OXNAD1: variants seen among roughly 807,000 people sequenced by gnomAD.
OXNAD1 encodes oxidoreductase NAD-binding domain-containing protein 1.
In OXNAD1, 34 loss-of-function variants were observed where a neutral mutation model predicts 32.9. That is an observed-to-expected ratio of 1.03 (90% CI 0.79 to 1.38). The LOEUF (loss-of-function observed/expected upper bound fraction) is 1.38. Among genes scored for constraint, OXNAD1 ranks in the 40% most tolerant of loss-of-function variants. OXNAD1 has a pLI of 0.00. For missense variants in OXNAD1, 407 were observed against 379.4 expected (o/e 1.07, Z -0.60); for synonymous variants, 134 against 135.2 (o/e 0.99, Z 0.06).
rs190269305 is a variant in OXNAD1, at chr3:16,292,147, T to C, written c.291-2709T>C. ...ACAAGAACCTTAATATTAATAGATA[T>C]ATTATTTAAAAATATTTTTCCCATT... On this transcript the variant is annotated intron_variant, in intron 5 of 8. Transcript: ENST00000285083. 2.6e-5 allele frequency among the ~76,000 whole-genome samples: 4 copies of C among 152,002 alleles called. No homozygotes were observed. In the East Asian group the frequency reaches 7.7e-4, roughly 29 times the overall value.
At chr3:16,342,021 A>C, downstream of OXNAD1, among the ~76,000 whole-genome samples, 1 of 152,180 alleles carries the variant, frequency 6.6e-6, no homozygotes, top group East Asian at 1.9e-4. The surrounding 1 kb of genome is among the most constrained non-coding windows in gnomAD (Gnocchi z 4.0). Context: ...ACCACTTGTC[A>C]CTTTTTTCAA....
In OXNAD1 at chr3:16,329,389, A is replaced by G. The variant is rs560404985; in HGVS notation, c.*31-7723A>G. Among the ~76,000 whole-genome samples the G allele has an allele frequency of 6.6e-6, 1 of 152,082 alleles. No homozygotes were observed. Among genetic ancestry groups the G allele is most frequent in the African/African-American group, 2.4e-5 (1 of 41,404 alleles). ...AACTTAATAAAGGAAGGCGGAAGGG[A>G]GGAGGGAAGGGAGGAAAGGAGAGAG... On this transcript the variant is annotated intron_variant, in intron 9 of 9. Transcript: ENST00000435829. This position sits in a 1 kb window ranked among gnomAD's most constrained non-coding sequence, Gnocchi z 4.5.
Position 16,277,759 on chromosome 3 carries a change from A to G in OXNAD1, c.183+6037A>G, listed in dbSNP as rs1362133034. Among the ~76,000 whole-genome samples, 3 of 152,252 alleles carry G rather than the reference A, an allele frequency of 2.0e-5. No individual in the cohort carries two copies. Among genetic ancestry groups the G allele is most frequent in the Admixed American group, 2.0e-4 (3 of 15,290 alleles). On this transcript the variant is annotated intron_variant, in intron 4 of 8. Transcript: ENST00000285083. The surrounding 1 kb of genome is among the most constrained non-coding windows in gnomAD (Gnocchi z 4.3). ...CCTCTGGAAAGTTTACTGAATGACCATTTATGATGTTTATGCTTCTTACTT... is the reference window on the plus strand; with the variant it reads ...CCTCTGGAAAGTTTACTGAATGACCGTTTATGATGTTTATGCTTCTTACTT...
chr3:16,343,552 C>G (rs2071449337), intron 9 of OXNAD1, among the ~76,000 whole-genome samples: 2 of 152,216 alleles, frequency 1.3e-5, no homozygotes, highest in South Asian at 4.1e-4. Flanking sequence ...TGTTTCTCAT[C>G]AAATATGGTG....
rs2067022825 is a variant in OXNAD1 at position 16,299,418 on chromosome 3, T to C, written c.433-2208T>C. On this transcript the variant is annotated intron_variant, in intron 6 of 8. Transcript: ENST00000285083. The surrounding 1 kb of genome is among the most constrained non-coding windows in gnomAD (Gnocchi z 4.4). ...AATGCTCCCTTGCTGCTAATTTCTT[T>C]TGTCAAAAATGAAAACCCACTTATC... Among the ~76,000 whole-genome samples the C allele has an allele frequency of 1.3e-5, 2 of 152,188 alleles. No homozygotes were observed. Among genetic ancestry groups the C allele is most frequent in the African/African-American group, 2.4e-5 (1 of 41,438 alleles).
rs963549009 is a variant in OXNAD1, at chr3:16,320,068, A to C, written c.*30+16476A>C. ...AATAACTGTCTAAAAGAAAAAAAGA[A>C]ATCCTTCACTTTACAGCAGTGTGTG... On this transcript the variant is annotated intron_variant, in intron 9 of 9. Coordinates refer to the OXNAD1 transcript ENST00000435829. The surrounding 1 kb of genome is among the most constrained non-coding windows in gnomAD (Gnocchi z 4.5). Among the ~76,000 whole-genome samples, 1 of 152,232 alleles carries C rather than the reference A, an allele frequency of 6.6e-6. No individual in the cohort carries two copies. The highest frequency in any genetic ancestry group is 1.5e-5 in the Non-Finnish European group (1 of 68,040).
At position 16,280,747 on chromosome 3, in the gene OXNAD1, T is replaced by C. The variant is rs906051058; in HGVS notation, c.184-5595T>C. On this transcript the variant is annotated intron_variant, in intron 4 of 8. Transcript: ENST00000285083. This position sits in a 1 kb window ranked among gnomAD's most constrained non-coding sequence, Gnocchi z 4.5. ...TGTACAGAGACTTTTGCACCAGCGG[T>C]AACATCAAAATATCCTACATAAAAC... Among the ~76,000 whole-genome samples the C allele has an allele frequency of 9.2e-5, 14 of 152,194 alleles. No individual in the cohort carries two copies. Among genetic ancestry groups the C allele is most frequent in the African/African-American group, 3.4e-4 (14 of 41,454 alleles).
rs1198874054 is a variant in OXNAD1 at position 16,321,370 on chromosome 3, T to C, written c.*31-15742T>C. ...GGAACTTAGTGGGAAACCAGGAGAATGAGGTGGGAAAGAACCAAGAGAAAA... is the reference window on the plus strand; with the variant it reads ...GGAACTTAGTGGGAAACCAGGAGAACGAGGTGGGAAAGAACCAAGAGAAAA... On this transcript the variant is annotated intron_variant, in intron 9 of 9. Transcript: ENST00000435829. The surrounding 1 kb of genome is among the most constrained non-coding windows in gnomAD (Gnocchi z 4.8). Among the ~76,000 whole-genome samples the C allele has an allele frequency of 6.6e-6, 1 of 151,804 alleles. No homozygotes were observed. Among genetic ancestry groups the C allele is most frequent in the Non-Finnish European group, 1.5e-5 (1 of 67,940 alleles).
chr3:16,323,229 G>A, intron 9 of OXNAD1: 1 of 627,014 alleles, frequency 1.6e-6, no homozygotes, highest in Non-Finnish European at 2.8e-6. Flanking sequence ...CCTGAGATGT[G>A]ATTCGGGTTG....
intron 4 of OXNAD1, among the ~76,000 whole-genome samples, chr3:16,273,890 A>G (rs1028390733): frequency 6.6e-6 from 1 of 152,206 alleles, no homozygotes; most frequent in African/African-American, 2.4e-5. Flanking sequence ...TTTTATTTAT[A>G]TCACCATCAT....
At chr3:16,333,976 T>C (rs145588794) in intron 9 of OXNAD1, among the ~76,000 whole-genome samples, 203 of 152,078 alleles carry the variant, frequency 1.3e-3, no homozygotes, top group African/African-American at 4.7e-3. Context: ...CCATCCGGGC[T>C]AACACGGTGA....
intron 6 of OXNAD1, among the ~76,000 whole-genome samples, chr3:16,295,898 A>T (rs904002165): frequency 6.6e-6 from 1 of 152,202 alleles, no homozygotes; most frequent in Non-Finnish European, 1.5e-5. Flanking sequence ...TTGGAAACAC[A>T]CTGTAGTATA....
In OXNAD1 at chr3:16,269,070, T is replaced by C. The variant is rs1008104654; in HGVS notation, c.-158-56T>C. The C allele has an allele frequency of 1.1e-5, 15 of 1,375,868 alleles. No homozygotes were observed. In the African/African-American group the frequency reaches 1.3e-4, roughly 12 times the overall value. The allele number at this position is 1,375,868 out of a possible 1,614,324, so 85.2% of individuals were successfully genotyped here. On this transcript the variant is annotated intron_variant, in intron 1 of 8. Transcript: ENST00000285083. ...CTTTCCTTTGGCAGCTAAGAGGTAA[T>C]AGTGCTTTTGATCAGTTCCCCAAAA...
chr3:16,349,900 C>T (rs1174805879), exon 10 of OXNAD1: 1 of 152,236 alleles, frequency 6.6e-6, no homozygotes, highest in Non-Finnish European at 1.5e-5. Context: ...GTCGATGTTG[C>T]AGTTTTGAGT....
chr3:16,271,794 T>G lies in OXNAD1; in HGVS notation c.183+72T>G. 3 of 1,325,956 alleles carry G rather than the reference T, an allele frequency of 2.3e-6. No homozygotes were observed. Among genetic ancestry groups the G allele is most frequent in the South Asian group, 2.7e-5 (2 of 75,188 alleles). The allele number at this position is 1,325,956 out of a possible 1,614,324, so 82.1% of individuals were successfully genotyped here. On this transcript the variant is annotated intron_variant, in intron 4 of 8. Coordinates refer to ENST00000285083, the MANE Select transcript of OXNAD1 (RefSeq NM_138381.5). The surrounding 1 kb of genome is among the most constrained non-coding windows in gnomAD (Gnocchi z 4.6). ...CATGTGGTTATGACTGGCTTATGGGTAAAGCATTAGATGAGTCTGGTCCTT... is the reference window on the plus strand; with the variant it reads ...CATGTGGTTATGACTGGCTTATGGGGAAAGCATTAGATGAGTCTGGTCCTT...
Position 16,265,228 on chromosome 3 carries a change from C to T in OXNAD1, c.-436C>T. The T allele has an allele frequency of 3.6e-6, 1 of 277,308 alleles. No homozygotes were observed. Among genetic ancestry groups the T allele is most frequent in the South Asian group, 5.7e-5 (1 of 17,514 alleles). The allele number at this position is 277,308 out of a possible 1,614,324, so 17.2% of individuals were successfully genotyped here. On this transcript the variant is annotated 5_prime_UTR_variant, in exon 1 of 9. Coordinates refer to ENST00000285083, the MANE Select transcript of OXNAD1 (RefSeq NM_138381.5). This position sits in a 1 kb window ranked among gnomAD's most constrained non-coding sequence, Gnocchi z 4.8. The stretch of plus-strand genomic sequence containing the variant: ...GACCGCGGAGTATTCCAGGCGCCTG[C>T]AACTAAACGTGGCCGGGTCTGCAAG...
rs79453998 is a variant in OXNAD1 at position 16,299,771 on chromosome 3, A to G, written c.433-1855A>G. ...TTCATTTAGTTGATTTATGCCAGGA[A>G]CGTGTAATGGGAGAAACCTATGCTC... On this transcript the variant is annotated intron_variant, in intron 6 of 8. Transcript: ENST00000285083. The surrounding 1 kb of genome is among the most constrained non-coding windows in gnomAD (Gnocchi z 4.4). 6.8e-4 allele frequency among the ~76,000 whole-genome samples: 104 copies of G among 152,368 alleles called. 1 individual carries two copies. In the East Asian group the frequency reaches 0.018, roughly 26 times the overall value.
In OXNAD1 at chr3:16,304,782, G is replaced by T. The variant is rs1042195488; in HGVS notation, c.*1220G>T. On this transcript the variant is annotated 3_prime_UTR_variant, in exon 9 of 9. Coordinates refer to ENST00000285083, the MANE Select transcript of OXNAD1 (RefSeq NM_138381.5). This position sits in a 1 kb window ranked among gnomAD's most constrained non-coding sequence, Gnocchi z 4.6. ...TCCAGTTGAGATTCTGTTCTGGAGC[G>T]GATGAGAGAAGACAGGTTACCCTTT... is the stretch of plus-strand genomic sequence containing the variant. 6.6e-6 allele frequency: 1 copy of T among 152,202 alleles called. No individual in the cohort carries two copies. Among genetic ancestry groups the T allele is most frequent in the Non-Finnish European group, 1.5e-5 (1 of 68,072 alleles). 9.4% of individuals were successfully genotyped at this position (152,202 alleles called of 1,614,324 possible). A position where few individuals can be genotyped will look rare whatever the true frequency, so the allele number is the denominator to read the frequency against.
downstream of OXNAD1, among the ~76,000 whole-genome samples, chr3:16,307,286 CTG>C (rs1486489688): frequency 6.6e-6 from 1 of 152,156 alleles, no homozygotes; most frequent in Non-Finnish European, 1.5e-5. Flanking sequence ...GTCGCCCCTG[CTG>C]TGTCAGTGGT....
Sources: gnomAD v4.1 joint callset for allele counts (sites outside exome capture counted in the v4.1 genomes callset) on GRCh38, gnomAD v4.1.1 for gene constraint, Gnocchi (gnomAD v3.1) non-coding constraint, MANE v1.5 for transcripts, NCBI Gene and HGNC (gene_info 2026-07-23, HGNC 2026-07-21) for gene names.